Variants in ANKRD26 observed in about 807,000 individuals in gnomAD.
The protein encoded by ANKRD26 is ankyrin repeat domain-containing protein 26.
In ANKRD26, 141 loss-of-function variants were observed where a neutral mutation model predicts 208.7. The observed-to-expected ratio is 0.68, with a 90% CI of 0.59 to 0.78. ANKRD26 has a LOEUF of 0.78. ANKRD26 is among the 30% of genes least tolerant of loss of function. ANKRD26 has a pLI of 0.00. For synonymous variants in ANKRD26, 636 were observed against 660.4 expected (o/e 0.96, Z 0.57); for missense variants, 1,889 against 1,938.7 (o/e 0.97, Z 0.48).
chr10:27,082,706 A>C, intron 6 of ANKRD26, 97 bp downstream of exon 6: 3 of 1,463,280 alleles, frequency 2.1e-6, no homozygotes, highest in Non-Finnish European at 2.7e-6. Flanking sequence ...CTATATGGAG[A>C]AGCACATAAT....
rs757486003 is a variant in ANKRD26, at chr10:27,010,378, C to T, written c.4953+2504G>A. 5.3e-5 allele frequency among the ~76,000 whole-genome samples: 8 copies of T among 152,174 alleles called. No individual in the cohort carries two copies. In the South Asian group the frequency reaches 1.0e-3, roughly 20 times the overall value. On this transcript the variant is annotated intron_variant, in intron 32 of 33. Transcript: ENST00000376087. ...TCCTCAAAAATCTTCCCTTACATTG[C>T]GTATCTACATATTCTTTCATCATCT... is the stretch of plus-strand genomic sequence containing the variant.
chr10:27,011,989 T>G lies in ANKRD26; in HGVS notation c.4953+893A>C, dbSNP rs548717088. Among the ~76,000 whole-genome samples, 14 of 152,340 alleles carry G rather than the reference T, an allele frequency of 9.2e-5. No homozygotes were observed. The South Asian group carries it at 2.3e-3, about 25-fold the overall frequency. Reference sequence around the variant, plus strand: ...ATGCTGTAACAATAGCAACTAAGAATGTACTCCTAAGTAAGAAAATGACAA... The same window carrying G: ...ATGCTGTAACAATAGCAACTAAGAAGGTACTCCTAAGTAAGAAAATGACAA... On this transcript the variant is annotated intron_variant, in intron 32 of 33. Coordinates refer to ENST00000376087, the MANE Select transcript of ANKRD26 (RefSeq NM_014915.3).
chr10:26,988,899 ATCTTCTCCTGTTCGTT>A (rs2052437550), downstream of ANKRD26, among the ~76,000 whole-genome samples: 1 of 148,382 alleles, frequency 6.7e-6, no homozygotes, highest in Non-Finnish European at 1.5e-5. Flanking sequence ...AAAAAAATGT[ATCTTCTCCTGTTCGTT>A]TTTATCTTCT....
At chr10:26,992,588 GC>G (rs1286217620) in intron 5 of ANKRD26, among the ~76,000 whole-genome samples, 1 of 151,806 alleles carries the variant, frequency 6.6e-6, no homozygotes, top group African/African-American at 2.4e-5. Context: ...CTATGCTACT[GC>G]CTCCTCAATT....
chr10:27,028,585 C>CAAAAAAAAAAAAAAAAAAAA (rs11294303), intron 27 of ANKRD26, among the ~76,000 whole-genome samples: 61 of 76,034 alleles, frequency 8.0e-4, no homozygotes, highest in African/African-American at 3.0e-3. Context: ...GACTCCATCT[C>CAAAAAAAAAAAAAAAAAAAA]AAAAAAAAAA....
Position 27,014,064 on chromosome 10 carries a change from C to T in ANKRD26, c.4724+430G>A, listed in dbSNP as rs59668849. ...CCAGATATCACAATCAAGGAAAGTT[C>T]ATTTATGGAGTGCCAGAATGTGCAG... On this transcript the variant is annotated intron_variant, in intron 31 of 33. Transcript: ENST00000376087. 2.4e-3 allele frequency among the ~76,000 whole-genome samples: 372 copies of T among 152,224 alleles called. 2 individuals are homozygous for T. The highest frequency in any genetic ancestry group is 8.5e-3 in the African/African-American group (352 of 41,540).
intron 19 of ANKRD26, 62 bp downstream of exon 19, chr10:27,044,095 A>ACTTTAT: frequency 8.2e-7 from 1 of 1,214,416 alleles, no homozygotes; most frequent in South Asian, 1.5e-5. Flanking sequence ...TGCCCAGCCC[A>ACTTTAT]CTTTATCTTT....
In ANKRD26 at chr10:27,035,234, T is replaced by C. The variant is rs1010361619; in HGVS notation, c.3216A>G (p.Lys1072=). The change falls in exon 24 of 34, where the codon AAA becomes AAG. Residue 1072 remains lysine, a synonymous_variant. Coordinates refer to ENST00000376087, the MANE Select transcript of ANKRD26 (RefSeq NM_014915.3). ...LSQQLFKTES[K]LNSLEIEFHH... is the part of the protein sequence containing the mutation. ...GGAACTCAATTTCTAGGCTATTGAG[T>C]TTACTTTCAGTTTTAAATAGTTGTT... is the stretch of plus-strand genomic sequence containing the variant. 6.2e-7 allele frequency: 1 copy of C among 1,614,022 alleles called. No homozygotes were observed. Among genetic ancestry groups the C allele is most frequent in the Non-Finnish European group, 8.5e-7 (1 of 1,179,934 alleles).
the ANKRD26 span, among the ~76,000 whole-genome samples, chr10:26,958,213 G>A: frequency 6.6e-6 from 1 of 151,932 alleles, no homozygotes; most frequent in Non-Finnish European, 1.5e-5. Flanking sequence ...CTCTCAAGTA[G>A]GTGGGATTAT....
chr10:27,063,156 C>G (rs1329637439), intron 12 of ANKRD26, among the ~76,000 whole-genome samples: 2 of 152,112 alleles, frequency 1.3e-5, no homozygotes, highest in Non-Finnish European at 2.9e-5. Flanking sequence ...ATAGATGGTC[C>G]AGTACCTCCA....
chr10:27,035,707 T>TA lies in ANKRD26; in HGVS notation c.2742dup (p.Ser915Ter). ...ATAGCAATTTCTTCCTGCAACATGC[T>TA]ATTTTTATGCGATAGGTCTTTTTCT... On this transcript the variant is annotated frameshift_variant, in exon 24 of 34. Transcript: ENST00000376087. LOFTEE classifies it high-confidence loss of function. The TA allele has an allele frequency of 6.2e-7, 1 of 1,605,830 alleles. No homozygotes were observed. Among genetic ancestry groups the TA allele is most frequent in the Non-Finnish European group, 8.5e-7 (1 of 1,177,280 alleles).
intron 12 of ANKRD26, among the ~76,000 whole-genome samples, chr10:27,062,937 T>C (rs1221298318): frequency 5.9e-5 from 9 of 152,096 alleles, no homozygotes. Context: ...CTGGCTAATG[T>C]TTGTATTTTT....
rs1200142691 is a variant in ANKRD26 at position 27,004,569 on chromosome 10, A to G, written c.*1021T>C. The G allele has an allele frequency of 2.6e-5, 4 of 152,168 alleles. No homozygotes were observed. Among genetic ancestry groups the G allele is most frequent in the Admixed American group, 6.5e-5 (1 of 15,270 alleles). 9.4% of individuals were successfully genotyped at this position (152,168 alleles called of 1,614,324 possible). A position where few individuals can be genotyped will look rare whatever the true frequency, so the allele number is the denominator to read the frequency against. On this transcript the variant is annotated 3_prime_UTR_variant, in exon 34 of 34. Transcript: ENST00000376087. Reference sequence around the variant, plus strand: ...GCTAACATTACCAGTAACAGGGCAAATCAAAACTGTAGGGTCACAGGTAAG... The same window carrying G: ...GCTAACATTACCAGTAACAGGGCAAGTCAAAACTGTAGGGTCACAGGTAAG...
In ANKRD26 at chr10:27,085,258, G is replaced by A. The variant is rs1278177637; in HGVS notation, c.709+1281C>T. On this transcript the variant is annotated intron_variant, in intron 5 of 33. Transcript: ENST00000376087. Reference sequence around the variant, plus strand: ...TGGGGTTACAGGTGTGCGCCACCACGCCCAGCTAATTTTTGTATTTTTAGT... The same window carrying A: ...TGGGGTTACAGGTGTGCGCCACCACACCCAGCTAATTTTTGTATTTTTAGT... Among the ~76,000 whole-genome samples, 8 of 151,788 alleles carry A rather than the reference G, an allele frequency of 5.3e-5. No individual in the cohort carries two copies. In the South Asian group the frequency reaches 8.3e-4, roughly 16 times the overall value.
At chr10:27,079,033 A>G (rs923534849) in intron 7 of ANKRD26, 56 bp downstream of exon 7, 20 of 1,463,754 alleles carry the variant, frequency 1.4e-5, no homozygotes, top group Non-Finnish European at 1.9e-5. Flanking sequence ...TTAAGAGAAT[A>G]CTATACGAAA....
chr10:26,973,158 G>C (rs919033987), downstream of ANKRD26, among the ~76,000 whole-genome samples: 1 of 151,830 alleles, frequency 6.6e-6, no homozygotes, highest in Non-Finnish European at 1.5e-5. Flanking sequence ...CTACTTTTTT[G>C]CATTTTAAAA....
At chr10:27,074,012 A>AT (rs998625750) in intron 9 of ANKRD26, among the ~76,000 whole-genome samples, 11 of 152,132 alleles carry the variant, frequency 7.2e-5, no homozygotes, top group African/African-American at 1.9e-4. Context: ...GGAAAAATAA[A>AT]TAAAAAAAAA....
Position 27,066,512 on chromosome 10 carries a change from T to C in ANKRD26, c.1244A>G (p.Asp415Gly), listed in dbSNP as rs1266896312. The C allele has an allele frequency of 4.4e-6, 7 of 1,600,620 alleles. No homozygotes were observed. The highest frequency in any genetic ancestry group is 6.0e-6 in the Non-Finnish European group (7 of 1,171,704). The stretch of plus-strand genomic sequence containing the variant: ...CTCAGAATCCCAAGGTGATTCTATA[T>C]CTTCCTCTTGTCCTAATCCTAATGC... Reference protein sequence around the residue: ...MSALGLGQEEDIESPWDSESI... With the variant: ...MSALGLGQEEGIESPWDSESI... Residue 415 changes from aspartate to glycine, a missense_variant, in exon 11 of 34, where the codon GAT becomes GGT. Physicochemically the swap from Asp to Gly is moderately conservative, Grantham distance 94. This residue lies in a region of ANKRD26 where 1,272 missense variants were observed against 1,273.8 expected (regional missense o/e 1.00). Transcript: ENST00000376087.
intron 3 of ANKRD26, among the ~76,000 whole-genome samples, chr10:26,984,370 C>A (rs2052353289): frequency 6.6e-6 from 1 of 152,176 alleles, no homozygotes; most frequent in African/African-American, 2.4e-5. Flanking sequence ...AGATCCTTGG[C>A]TGGAATCACT....
Sources: allele counts gnomAD v4.1 joint callset (sites outside exome capture counted in the v4.1 genomes callset), GRCh38; gene constraint gnomAD v4.1.1; regional missense constraint gnomAD v4.1.1; transcripts MANE v1.5; gene names NCBI Gene and HGNC (gene_info 2026-07-23, HGNC 2026-07-21).